The following ERRFI1 variants were observed in gnomAD, a reference collection of about 807,000 sequenced individuals.
The protein encoded by ERRFI1 is mitogen-inducible gene 6 protein.
ERRFI1 carries 12 observed loss-of-function variants against 14.6 expected under a neutral mutation model. The ratio of observed to expected loss-of-function variants is 0.82; its 90% confidence interval spans 0.53 to 1.33. The LOEUF (loss-of-function observed/expected upper bound fraction) is 1.33. ERRFI1 is among the 40% of genes most tolerant of loss of function. ERRFI1 has a pLI of 0.00. For missense variants in ERRFI1, 482 were observed against 572.1 expected (o/e 0.84, Z 1.61); for synonymous variants, 202 against 209.9 (o/e 0.96, Z 0.32).
rs1450156540 is a variant in ERRFI1 at position 8,015,370 on chromosome 1, ATAT to A, written c.137_139del (p.Asn46del). The A allele has an allele frequency of 6.2e-7, 1 of 1,614,080 alleles. No homozygotes were observed. Among genetic ancestry groups the A allele is most frequent in the Non-Finnish European group, 8.5e-7 (1 of 1,179,994 alleles). On this transcript the variant is annotated inframe_deletion, in exon 3 of 4. Coordinates refer to ENST00000377482, the MANE Select transcript of ERRFI1 (RefSeq NM_018948.4). Reference sequence around the variant, plus strand: ...ACTGTAGGCCATGGTTATCGGGTCAATATTTAAAAAGTTGCTGAAAGGAGAGGA... The same window carrying A: ...ACTGTAGGCCATGGTTATCGGGTCAATTAAAAAGTTGCTGAAAGGAGAGGA...
chr1:8,024,207 A>T (rs1641313288), intron 1 of ERRFI1, among the ~76,000 whole-genome samples: 1 of 152,246 alleles, frequency 6.6e-6, no homozygotes, highest in African/African-American at 2.4e-5. Context: ...AGTATTATCT[A>T]GCTCAACTTT....
At position 8,014,184 on chromosome 1, in the gene ERRFI1, G is replaced by A. The variant is rs2124061539; in HGVS notation, c.415C>T (p.Leu139Phe). The change falls in exon 4 of 4, where the codon CTT becomes TTT. Residue 139 changes from leucine to phenylalanine, a missense_variant. Coordinates refer to ENST00000377482, the MANE Select transcript of ERRFI1 (RefSeq NM_018948.4). ...PLTPIKNSPS[L>F]FPCAPLCERG... is the part of the protein sequence containing the mutation. ...TCACAAAGAGGGGCACAGGGGAAAA[G>A]GGAAGGGGAGTTTTTTATGGGTGTC... is the stretch of plus-strand genomic sequence containing the variant. 1.9e-6 allele frequency: 3 copies of A among 1,614,170 alleles called. No individual in the cohort carries two copies. The highest frequency in any genetic ancestry group is 2.5e-6 in the Non-Finnish European group (3 of 1,180,036).
chr1:8,019,410 T>G (rs1409616002), intron 1 of ERRFI1, among the ~76,000 whole-genome samples: 1 of 152,200 alleles, frequency 6.6e-6, no homozygotes, highest in African/African-American at 2.4e-5. Context: ...AGCCGCTCCC[T>G]TTCATGAAAC....
chr1:8,018,958 C>CA (rs979915832), intron 1 of ERRFI1, among the ~76,000 whole-genome samples: 1 of 152,184 alleles, frequency 6.6e-6, no homozygotes, highest in Non-Finnish European at 1.5e-5. Context: ...ACTCTACAAA[C>CA]CAAACTCCTC....
chr1:8,015,221 TAA>T, intron 3 of ERRFI1, 85 bp downstream of exon 3: 1 of 1,209,440 alleles, frequency 8.3e-7, no homozygotes. Flanking sequence ...TTTCCTCATT[TAA>T]AAAATAATGC....
In ERRFI1 at chr1:8,012,738, CTAAACAAAAA is replaced by C. The variant is rs972101933; in HGVS notation, c.*462_*471del. 20 of 230,912 alleles carry C rather than the reference CTAAACAAAAA, an allele frequency of 8.7e-5. No homozygotes were observed. Among genetic ancestry groups the C allele is most frequent in the African/African-American group, 4.2e-4 (19 of 45,280 alleles). 14.3% of individuals were successfully genotyped at this position (230,912 alleles called of 1,614,324 possible). On this transcript the variant is annotated 3_prime_UTR_variant, in exon 4 of 4. Transcript: ENST00000377482. ...TAAAAGCCAGAAATCTTCAAACTTACTAAACAAAAATATTTTTTAATGATTCTGATCTAAA... is the reference window on the plus strand; with the variant it reads ...TAAAAGCCAGAAATCTTCAAACTTACTATTTTTTAATGATTCTGATCTAAA...
At chr1:8,015,818 A>T in intron 1 of ERRFI1, 126 bp from the exon 2 acceptor site, 1 of 599,800 alleles carries the variant, frequency 1.7e-6, no homozygotes, top group Non-Finnish European at 2.8e-6. Flanking sequence ...TTAGTTGTAG[A>T]CTTTCACTTA....
chr1:8,024,818 T>C (rs1256886303), intron 1 of ERRFI1, among the ~76,000 whole-genome samples: 1 of 152,218 alleles, frequency 6.6e-6, no homozygotes, highest in African/African-American at 2.4e-5. Context: ...TATTTTGGTC[T>C]TTGCAAAATT....
chr1:8,014,563 G>A, intron 3 of ERRFI1, 167 bp from the exon 4 acceptor site: 1 of 615,752 alleles, frequency 1.6e-6, no homozygotes, highest in South Asian at 2.2e-5. Flanking sequence ...TGTAATTAGA[G>A]AGCAGAAGAT....
Position 8,013,365 on chromosome 1 carries a change from T to TA in ERRFI1, c.1233dup (p.Arg412Ter), listed in dbSNP as rs775750077. 7.4e-6 allele frequency: 12 copies of TA among 1,614,112 alleles called. 1 individual carries two copies. The South Asian group carries it at 1.3e-4, about 18-fold the overall frequency. ...CCTCCATTTGTTTCTTCTGCTTCCC[T>TA]AAAAAATTTTTCATATTTGTCCAGG... is the stretch of plus-strand genomic sequence containing the variant. On this transcript the variant is annotated frameshift_variant, in exon 4 of 4. Coordinates refer to ENST00000377482, the MANE Select transcript of ERRFI1 (RefSeq NM_018948.4). LOFTEE classifies it low-confidence loss of function (END_TRUNC). This position sits in a 1 kb window ranked among gnomAD's most constrained non-coding sequence, Gnocchi z 4.3.
At chr1:8,014,632 T>G in intron 3 of ERRFI1, 1 of 520,950 alleles carries the variant, frequency 1.9e-6, no homozygotes. Context: ...CCCTTGGACA[T>G]GTGCACAGCG....
intron 3 of ERRFI1, 145 bp from the exon 4 acceptor site, chr1:8,014,541 A>AACC (rs1641144687): frequency 1.4e-6 from 1 of 694,678 alleles, no homozygotes; most frequent in East Asian, 2.7e-5. Context: ...ACACCCATGC[A>AACC]ACCACCACAG....
At chr1:8,015,754 G>A in intron 1 of ERRFI1, 62 bp from the exon 2 acceptor site, 1 of 1,090,308 alleles carries the variant, frequency 9.2e-7, no homozygotes, top group Non-Finnish European at 1.3e-6. Flanking sequence ...CATTAGGACA[G>A]TCTAAATTAC....
chr1:8,012,957 G>C lies in ERRFI1; in HGVS notation c.*253C>G. The C allele has an allele frequency of 8.2e-6, 4 of 485,964 alleles. No homozygotes were observed. Among genetic ancestry groups the C allele is most frequent in the Non-Finnish European group, 1.4e-5 (4 of 275,878 alleles). 30.1% of individuals were successfully genotyped at this position (485,964 alleles called of 1,614,324 possible). Reference sequence around the variant, plus strand: ...TATGTAATGTATGCATATATAAAAAGCTTCCCCATCCTCCCCTCCCCACCA... The same window carrying C: ...TATGTAATGTATGCATATATAAAAACCTTCCCCATCCTCCCCTCCCCACCA... On this transcript the variant is annotated 3_prime_UTR_variant, in exon 4 of 4. Transcript: ENST00000377482.
Position 8,012,928 on chromosome 1 carries a change from T to C in ERRFI1, c.*282A>G. 1 of 389,892 alleles carries C rather than the reference T, an allele frequency of 2.6e-6. No individual in the cohort carries two copies. Among genetic ancestry groups the C allele is most frequent in the South Asian group, 5.0e-5 (1 of 19,982 alleles). The allele number at this position is 389,892 out of a possible 1,614,324, so 24.2% of individuals were successfully genotyped here. A position where few individuals can be genotyped will look rare whatever the true frequency, so the allele number is the denominator to read the frequency against. ...TATGGTTATACCACAAGTTTATATA[T>C]AGGTATGTAATGTATGCATATATAA... On this transcript the variant is annotated 3_prime_UTR_variant, in exon 4 of 4. Coordinates refer to ENST00000377482, the MANE Select transcript of ERRFI1 (RefSeq NM_018948.4).
intron 1 of ERRFI1, among the ~76,000 whole-genome samples, chr1:8,017,948 T>G (rs1431483193): frequency 6.6e-6 from 1 of 152,224 alleles, no homozygotes; most frequent in African/African-American, 2.4e-5. Context: ...TAGAAAAAGT[T>G]ATTTTTTATT....
rs183447963 is a variant in ERRFI1 at position 8,018,057 on chromosome 1, T to C, written c.-73-2365A>G. ...TAAGCCAGCTCACTTCTGACCACAA[T>C]AGTGTCTTTGTGTATTCATAGAAGG... On this transcript the variant is annotated intron_variant, in intron 1 of 3. Coordinates refer to ENST00000377482, the MANE Select transcript of ERRFI1 (RefSeq NM_018948.4). Among the ~76,000 whole-genome samples the C allele has an allele frequency of 3.5e-4, 53 of 152,230 alleles. No individual in the cohort carries two copies. In the East Asian group the frequency reaches 7.0e-3, roughly 20 times the overall value.
chr1:8,015,522 T>C lies in ERRFI1; in HGVS notation c.98A>G (p.Tyr33Cys). 1 of 1,614,190 alleles carries C rather than the reference T, an allele frequency of 6.2e-7. No homozygotes were observed. The highest frequency in any genetic ancestry group is 2.2e-5 in the East Asian group (1 of 44,880). Residue 33 changes from tyrosine (Y) to cysteine (C), a missense_variant, in exon 2 of 4, where the codon TAC becomes TGC. Physicochemically the swap from Tyr to Cys is radical, Grantham distance 194 (BLOSUM62 -2). Coordinates refer to ENST00000377482, the MANE Select transcript of ERRFI1 (RefSeq NM_018948.4). ...GRAMGNMRKT[Y>C]WSSRSEFKNN... ...TTTAAACTCACTGCGACTGCTCCAG[T>C]AGGTCTTCCTCATATTCCCCATGGC...
intron 1 of ERRFI1, among the ~76,000 whole-genome samples, chr1:8,018,103 A>G (rs1641208246): frequency 6.6e-6 from 1 of 152,036 alleles, no homozygotes. Flanking sequence ...CTAAATTTCA[A>G]TGGGGAATTG....
Sources: gnomAD v4.1 joint callset for allele counts (sites outside exome capture counted in the v4.1 genomes callset) on GRCh38, gnomAD v4.1.1 for gene constraint, Gnocchi (gnomAD v3.1) non-coding constraint, MANE v1.5 for transcripts, NCBI Gene and HGNC (gene_info 2026-07-23, HGNC 2026-07-21) for gene names.